TAOK1: variants seen among roughly 807,000 people sequenced by gnomAD.
TAOK1 encodes the protein TAO kinase 1.
A neutral mutation model predicts 138.3 loss-of-function variants in TAOK1; 21 were observed. That is an observed-to-expected ratio of 0.15 (90% CI 0.11 to 0.22). The LOEUF (loss-of-function observed/expected upper bound fraction) is 0.22, where lower values mean the gene tolerates loss of function less well. Ranked by LOEUF, TAOK1 falls within the 10% of genes least tolerant of loss-of-function variation. The pLI is 1.00. For synonymous variants in TAOK1, 361 were observed against 398.4 expected, an observed-to-expected ratio of 0.91 and a Z score of 1.12; for missense variants, 651 against 1,227.7, an observed-to-expected ratio of 0.53 and a Z score of 7.02.
intron 1 of TAOK1, among the ~76,000 whole-genome samples, chr17:29,411,135 A>G (rs1412115732): frequency 1.8e-5 from 2 of 109,794 alleles, no homozygotes; most frequent in Non-Finnish European, 3.4e-5. Flanking sequence ...TCTGTCGCCC[A>G]GGCTGGAGTG....
intron 9 of TAOK1, among the ~76,000 whole-genome samples, chr17:29,491,317 C>T (rs188678684): frequency 2.5e-3 from 385 of 152,090 alleles, no homozygotes; most frequent in Admixed American, 7.3e-3. Flanking sequence ...TGCTCAGGGG[C>T]ACCAAATACT....
At chr17:29,521,296 A>G (rs1008997608) in intron 16 of TAOK1, among the ~76,000 whole-genome samples, 1 of 152,216 alleles carries the variant, frequency 6.6e-6, no homozygotes, top group Non-Finnish European at 1.5e-5. Flanking sequence ...CTTGTTTCCA[A>G]TATGAAACAA....
chr17:29,466,632 T>C (rs567116309), intron 2 of TAOK1, among the ~76,000 whole-genome samples: 56 of 152,320 alleles, frequency 3.7e-4, no homozygotes, highest in African/African-American at 1.3e-3. Flanking sequence ...AGCTCTTCTA[T>C]TTTTCTCTTA....
intron 2 of TAOK1, among the ~76,000 whole-genome samples, chr17:29,456,657 G>A (rs544500984): frequency 6.6e-6 from 1 of 150,660 alleles, no homozygotes; most frequent in Admixed American, 6.5e-5. Flanking sequence ...TTTGAAATCT[G>A]AAACACTTCT....
chr17:29,474,107 A>G (rs756737117), intron 3 of TAOK1, among the ~76,000 whole-genome samples: 6 of 152,112 alleles, frequency 3.9e-5, no homozygotes, highest in African/African-American at 1.4e-4. Flanking sequence ...CTAGCTTCCA[A>G]CTTTTCTTCT....
At chr17:29,419,018 CTT>C (rs1334393121) in intron 1 of TAOK1, among the ~76,000 whole-genome samples, 1 of 143,056 alleles carries the variant, frequency 7.0e-6, no homozygotes, top group African/African-American at 2.6e-5. Flanking sequence ...TTTGTTGAAT[CTT>C]TGGATCATTA....
Position 29,462,888 on chromosome 17 carries a change from T to TA in TAOK1, c.133-4256dup, listed in dbSNP as rs2030563281. 3.3e-5 allele frequency among the ~76,000 whole-genome samples: 5 copies of TA among 152,316 alleles called. No homozygotes were observed. The South Asian group carries it at 8.3e-4, about 25-fold the overall frequency. On this transcript the variant is annotated intron_variant, in intron 2 of 19. Coordinates refer to ENST00000261716, the MANE Select transcript of TAOK1 (RefSeq NM_020791.4). The stretch of plus-strand genomic sequence containing the variant: ...CTAGTTTGTCTTTAGGACTACAACT[T>TA]ATTTTGTTTTTGCTCTTTTTCTCTC...
intron 16 of TAOK1, among the ~76,000 whole-genome samples, chr17:29,519,535 G>GA (rs1174719297): frequency 6.6e-6 from 1 of 150,988 alleles, no homozygotes; most frequent in African/African-American, 2.4e-5. Context: ...AAAAAGAAAA[G>GA]AAAAGAAAAA....
At chr17:29,485,027 A>G (rs1314245799) in intron 8 of TAOK1, among the ~76,000 whole-genome samples, 1 of 152,222 alleles carries the variant, frequency 6.6e-6, no homozygotes, top group Admixed American at 6.5e-5. Context: ...AAAAATTTAC[A>G]TCAATTTTAC....
chr17:29,421,999 G>A (rs908015538), intron 1 of TAOK1, among the ~76,000 whole-genome samples: 6 of 151,922 alleles, frequency 3.9e-5, no homozygotes, highest in Non-Finnish European at 8.8e-5. Flanking sequence ...CCGGGTTCAC[G>A]CCATTCTCCT....
chr17:29,451,719 C>G (rs1413004021), intron 2 of TAOK1, 39 bp downstream of exon 2: 2 of 1,596,864 alleles, frequency 1.3e-6, no homozygotes, highest in Non-Finnish European at 8.5e-7. Context: ...CTAAAATTTA[C>G]TTAATGTCCA....
intron 1 of TAOK1, among the ~76,000 whole-genome samples, chr17:29,413,467 G>T (rs1905193146): frequency 6.6e-6 from 1 of 152,194 alleles, no homozygotes; most frequent in Admixed American, 6.6e-5. Flanking sequence ...ATGGTGGCAT[G>T]TGTCTGTAGT....
Position 29,543,057 on chromosome 17 carries a change from G to T in TAOK1, c.*35G>T, listed in dbSNP as rs1238667236. On this transcript the variant is annotated 3_prime_UTR_variant, in exon 20 of 20. Transcript: ENST00000261716. ...TGAGAGTGGCAATTCCGCTGGAGCTGTCTGCCAAAAGAAACTGCCTACAGA... is the reference window on the plus strand; with the variant it reads ...TGAGAGTGGCAATTCCGCTGGAGCTTTCTGCCAAAAGAAACTGCCTACAGA... 1.9e-5 allele frequency: 29 copies of T among 1,494,148 alleles called. No homozygotes were observed. Among genetic ancestry groups the T allele is most frequent in the Non-Finnish European group, 2.4e-5 (27 of 1,112,472 alleles). 92.6% of individuals were successfully genotyped at this position (1,494,148 alleles called of 1,614,324 possible). A position where few individuals can be genotyped will look rare whatever the true frequency, so the allele number is the denominator to read the frequency against.
At chr17:29,472,728 C>T (rs1398342772) in intron 3 of TAOK1, among the ~76,000 whole-genome samples, 1 of 152,040 alleles carries the variant, frequency 6.6e-6, no homozygotes, top group Non-Finnish European at 1.5e-5. Context: ...TCATGCACCA[C>T]CACGCCCGGC....
chr17:29,443,815 T>C (rs2030006845), intron 1 of TAOK1, among the ~76,000 whole-genome samples: 1 of 152,204 alleles, frequency 6.6e-6, no homozygotes, highest in African/African-American at 2.4e-5. Context: ...CAAATATTTA[T>C]ATTTTTAAAC....
At chr17:29,436,810 G>A (rs1003395121) in intron 1 of TAOK1, among the ~76,000 whole-genome samples, 4 of 152,224 alleles carry the variant, frequency 2.6e-5, no homozygotes, top group African/African-American at 7.2e-5. Flanking sequence ...TGGCAATTCC[G>A]TGTACCTAAA....
At chr17:29,469,181 G>A (rs545931762) in intron 3 of TAOK1, among the ~76,000 whole-genome samples, 17 of 151,748 alleles carry the variant, frequency 1.1e-4, no homozygotes, top group Admixed American at 3.3e-4. Flanking sequence ...CCAGGAGTTC[G>A]AGACCACCCT....
intron 2 of TAOK1, among the ~76,000 whole-genome samples, chr17:29,453,834 C>T (rs1296811806): frequency 1.4e-5 from 2 of 142,678 alleles, no homozygotes; most frequent in African/African-American, 5.2e-5. Context: ...GAGACAGGGT[C>T]TCTCACTCTG....
intron 1 of TAOK1, among the ~76,000 whole-genome samples, chr17:29,406,920 A>G (rs558338850): frequency 2.0e-5 from 3 of 152,294 alleles, no homozygotes; most frequent in Non-Finnish European, 4.4e-5. Context: ...CAAAGTGCAT[A>G]AATATGAAGT....
Sources: allele counts gnomAD v4.1 joint callset (sites outside exome capture counted in the v4.1 genomes callset), GRCh38; gene constraint gnomAD v4.1.1; transcripts MANE v1.5; gene names NCBI Gene and HGNC (gene_info 2026-07-23, HGNC 2026-07-21).